The following KLF12 variants were observed in gnomAD, a reference collection of about 807,000 sequenced individuals.
The protein encoded by KLF12 is KLF transcription factor 12.
Under a neutral mutation model 37.8 loss-of-function variants are expected in KLF12, and 9 were observed. That is an observed-to-expected ratio of 0.24 (90% confidence interval 0.14 to 0.42). The LOEUF (loss-of-function observed/expected upper bound fraction) is 0.42, where lower values mean the gene tolerates loss of function less well. Among genes scored for constraint, KLF12 ranks in the 10% least tolerant of loss-of-function variants. The pLI, the probability that KLF12 is intolerant of heterozygous loss-of-function variation, is 1.00. For synonymous variants in KLF12, 208 were observed against 202.1 expected (o/e 1.03, Z -0.25); for missense variants, 411 against 516.0 (o/e 0.80, Z 1.97).
intron 3 of KLF12, among the ~76,000 whole-genome samples, chr13:73,915,309 C>T (rs1267256985): frequency 6.6e-6 from 1 of 152,078 alleles, no homozygotes; most frequent in African/African-American, 2.4e-5. Context: ...ATTTCTTTTG[C>T]GGATGATAAG....
At chr13:73,840,168 T>G (rs549102970) in intron 4 of KLF12, among the ~76,000 whole-genome samples, 1 of 152,274 alleles carries the variant, frequency 6.6e-6, no homozygotes, top group African/African-American at 2.4e-5. Flanking sequence ...TGAGCAGCAT[T>G]TGATACCATT....
At chr13:73,862,969 C>A (rs141140051) in intron 3 of KLF12, among the ~76,000 whole-genome samples, 243 of 152,234 alleles carry the variant, frequency 1.6e-3, no homozygotes, top group African/African-American at 5.6e-3. Context: ...GTTAAGATAG[C>A]CAACATTCAA....
At chr13:74,237,416 G>A in the KLF12 span, among the ~76,000 whole-genome samples, 2 of 140,612 alleles carry the variant, frequency 1.4e-5, no homozygotes, top group East Asian at 3.9e-4. Flanking sequence ...GATTGATTTG[G>A]CGACGCGGGC....
chr13:74,102,123 C>G (rs1310762317), intron 1 of KLF12, among the ~76,000 whole-genome samples: 1 of 151,208 alleles, frequency 6.6e-6, no homozygotes, highest in African/African-American at 2.4e-5. Context: ...GAAGCTGAGG[C>G]AGGAGAATCG....
At chr13:74,072,747 T>C (rs1874346325) in intron 1 of KLF12, among the ~76,000 whole-genome samples, 1 of 152,106 alleles carries the variant, frequency 6.6e-6, no homozygotes, top group African/African-American at 2.4e-5. Flanking sequence ...ATACAAAAAA[T>C]AGCACACAAT....
chr13:74,134,899 C>A (rs1878484027), upstream of KLF12, among the ~76,000 whole-genome samples: 1 of 151,982 alleles, frequency 6.6e-6, no homozygotes, highest in Non-Finnish European at 1.5e-5. Flanking sequence ...GGGTCGTCCC[C>A]GCGGCTCGCC....
At chr13:74,144,309 C>G in the KLF12 span, among the ~76,000 whole-genome samples, 1 of 152,194 alleles carries the variant, frequency 6.6e-6, no homozygotes, top group African/African-American at 2.4e-5. Flanking sequence ...TTTCACTTGA[C>G]AGACCCAACA....
the KLF12 span, among the ~76,000 whole-genome samples, chr13:74,287,550 A>T: frequency 6.6e-6 from 1 of 152,228 alleles, no homozygotes; most frequent in Non-Finnish European, 1.5e-5. Context: ...ATATTGGTTT[A>T]TCTTACATAG....
intron 6 of KLF12, among the ~76,000 whole-genome samples, chr13:73,725,892 G>C (rs1406446223): frequency 2.0e-5 from 3 of 149,454 alleles, no homozygotes; most frequent in Non-Finnish European, 3.0e-5. Flanking sequence ...TTTTGAGATG[G>C]AGTTTCACTC....
chr13:73,958,365 TC>T (rs1385099006), intron 2 of KLF12, among the ~76,000 whole-genome samples: 1 of 151,910 alleles, frequency 6.6e-6, no homozygotes, highest in African/African-American at 2.4e-5. Context: ...TGCCTCAACC[TC>T]CCGAGTAGCT....
intron 3 of KLF12, among the ~76,000 whole-genome samples, chr13:73,874,846 T>C (rs1434098687): frequency 6.6e-6 from 1 of 152,110 alleles, no homozygotes; most frequent in Non-Finnish European, 1.5e-5. Flanking sequence ...ATCTCACTAA[T>C]ATGTTTTTTG....
Position 73,695,406 on chromosome 13 carries a change from A to C in KLF12, c.*84T>G. 7.5e-7 allele frequency: 1 copy of C among 1,332,748 alleles called. No individual in the cohort carries two copies. Among genetic ancestry groups the C allele is most frequent in the Non-Finnish European group, 1.1e-6 (1 of 945,420 alleles). 82.6% of individuals were successfully genotyped at this position (1,332,748 alleles called of 1,614,324 possible). Reference sequence around the variant, plus strand: ...GGGATGGTGATGCCCTTTTGTGTTAACACTGTGAAGGGGATTCAGCCCTGC... The same window carrying C: ...GGGATGGTGATGCCCTTTTGTGTTACCACTGTGAAGGGGATTCAGCCCTGC... On this transcript the variant is annotated 3_prime_UTR_variant, in exon 8 of 8. Transcript: ENST00000377669.
At chr13:73,767,620 A>T (rs1417276066) in intron 5 of KLF12, among the ~76,000 whole-genome samples, 1 of 152,206 alleles carries the variant, frequency 6.6e-6, no homozygotes, top group Non-Finnish European at 1.5e-5. Flanking sequence ...GGGAAGCTAT[A>T]CCATTAGGGC....
intron 1 of KLF12, among the ~76,000 whole-genome samples, chr13:74,079,666 T>C (rs77069555): frequency 6.6e-5 from 10 of 152,306 alleles, no homozygotes; most frequent in African/African-American, 2.2e-4. Context: ...AGAATCACCA[T>C]GGGCTTTTAA....
chr13:73,861,352 C>T (rs892754220), intron 3 of KLF12, among the ~76,000 whole-genome samples: 6 of 152,212 alleles, frequency 3.9e-5, no homozygotes, highest in African/African-American at 1.2e-4. Context: ...CTGCTTCCTG[C>T]GCAGTGAACT....
At chr13:74,072,163 A>G (rs983586388) in intron 1 of KLF12, among the ~76,000 whole-genome samples, 1 of 151,838 alleles carries the variant, frequency 6.6e-6, no homozygotes, top group Admixed American at 6.6e-5. Context: ...TTCAAATTAT[A>G]TTCTACCTTT....
intron 3 of KLF12, among the ~76,000 whole-genome samples, chr13:73,897,875 G>C (rs1475227849): frequency 6.6e-6 from 1 of 152,026 alleles, no homozygotes; most frequent in African/African-American, 2.4e-5. Flanking sequence ...TTTCAAACTT[G>C]TCTCATAATG....
intron 2 of KLF12, among the ~76,000 whole-genome samples, chr13:73,989,492 T>A (rs988682066): frequency 6.6e-6 from 1 of 152,194 alleles, no homozygotes; most frequent in South Asian, 2.1e-4. Flanking sequence ...AGCTCCCTCA[T>A]GAAGGGGTTC....
chr13:73,747,705 G>A, intron 6 of KLF12, among the ~76,000 whole-genome samples: 1 of 152,034 alleles, frequency 6.6e-6, no homozygotes, highest in Admixed American at 6.6e-5. Context: ...CCATGAAACA[G>A]GTATTATTAG....
Sources: allele counts gnomAD v4.1 joint callset (sites outside exome capture counted in the v4.1 genomes callset), GRCh38; gene constraint gnomAD v4.1.1; transcripts MANE v1.5; gene names NCBI Gene and HGNC (gene_info 2026-07-23, HGNC 2026-07-21).